The following KCNQ1 variants were observed in gnomAD, a reference collection of about 807,000 sequenced individuals.
KCNQ1 encodes potassium voltage-gated channel subfamily KQT member 1.
A neutral mutation model predicts 72.4 loss-of-function variants in KCNQ1; 49 were observed. That is an observed-to-expected ratio of 0.68 (90% CI 0.54 to 0.86). The LOEUF is 0.86. Ranked by LOEUF, KCNQ1 falls within the 40% of genes least tolerant of loss-of-function variation. The probability of loss-of-function intolerance (pLI) is 0.00; values close to 1 mark genes in which losing one functional copy is unlikely to be tolerated. For missense variants in KCNQ1, 790 were observed against 945.1 expected, an observed-to-expected ratio of 0.84 and a Z score of 2.15; for synonymous variants, 450 against 412.6, an observed-to-expected ratio of 1.09 and a Z score of -1.10.
In KCNQ1 at chr11:2,509,596, AGTGCAGGTC is replaced by A. The variant is rs1464216763; in HGVS notation, c.387-18328_387-18320del. On this transcript the variant is annotated intron_variant, in intron 1 of 15. Coordinates refer to ENST00000155840, the MANE Select transcript of KCNQ1 (RefSeq NM_000218.3). This position sits in a 1 kb window ranked among gnomAD's most constrained non-coding sequence, Gnocchi z 6.3. The stretch of plus-strand genomic sequence containing the variant: ...CTCCAGGTCCGGGTGTGAGGGCAGT[AGTGCAGGTC>A]GTGGTCCCAGATGGCCACGGAGGTG... Among the ~76,000 whole-genome samples the A allele has an allele frequency of 6.6e-6, 1 of 152,188 alleles. No individual in the cohort carries two copies. The highest frequency in any genetic ancestry group is 2.4e-5 in the African/African-American group (1 of 41,462).
At position 2,808,943 on chromosome 11, in the gene KCNQ1, G is replaced by A. The variant is rs1847431330; in HGVS notation, c.1794+30906G>A. Among the ~76,000 whole-genome samples the A allele has an allele frequency of 6.6e-6, 1 of 151,658 alleles. No homozygotes were observed. Among genetic ancestry groups the A allele is most frequent in the Admixed American group, 6.6e-5 (1 of 15,220 alleles). ...TGGGTGGACAGATGGAAGGATGGAT[G>A]GATATATGGATGCATGGAGAGACAG... On this transcript the variant is annotated intron_variant, in intron 15 of 15. Coordinates refer to ENST00000155840, the MANE Select transcript of KCNQ1 (RefSeq NM_000218.3). This position sits in a 1 kb window ranked among gnomAD's most constrained non-coding sequence, Gnocchi z 6.0.
rs549680890 is a variant in KCNQ1, at chr11:2,679,146, G to A, written c.1514+17065G>A. On this transcript the variant is annotated intron_variant, in intron 11 of 15. Transcript: ENST00000155840. This position sits in a 1 kb window ranked among gnomAD's most constrained non-coding sequence, Gnocchi z 4.8. ...AGGCCAAAATGGTTTCATGGCATGAGTTGGGCAGCAGCGACTCAGTTTCCA... is the reference window on the plus strand; with the variant it reads ...AGGCCAAAATGGTTTCATGGCATGAATTGGGCAGCAGCGACTCAGTTTCCA... The A allele has an allele frequency of 7.5e-6, 3 of 398,646 alleles. No homozygotes were observed. In the East Asian group the frequency reaches 1.1e-4, roughly 14 times the overall value. 24.7% of individuals were successfully genotyped at this position (398,646 alleles called of 1,614,324 possible).
intron 11 of KCNQ1, among the ~76,000 whole-genome samples, chr11:2,730,045 G>T (rs187352114): frequency 6.6e-6 from 1 of 152,160 alleles, no homozygotes; most frequent in Non-Finnish European, 1.5e-5. Flanking sequence ...CTGGGACCCC[G>T]AGAGCTAGGA....
chr11:2,578,984 G>A (rs1416014340), intron 6 of KCNQ1, among the ~76,000 whole-genome samples: 3 of 152,236 alleles, frequency 2.0e-5, no homozygotes, highest in Non-Finnish European at 2.9e-5. Context: ...CAGCTGGGGT[G>A]TGACACCTCT....
chr11:2,522,630 C>G (rs959876833), intron 1 of KCNQ1, among the ~76,000 whole-genome samples: 3 of 152,272 alleles, frequency 2.0e-5, no homozygotes, highest in African/African-American at 7.2e-5. Flanking sequence ...ATAATTCCTT[C>G]TGAGGCTAGC....
chr11:2,716,556 C>A (rs1851095503), intron 11 of KCNQ1, among the ~76,000 whole-genome samples: 1 of 152,344 alleles, frequency 6.6e-6, no homozygotes, highest in East Asian at 1.9e-4. Flanking sequence ...TGTGGGTTGG[C>A]TTGCCAAGCG....
rs536040302 is a variant in KCNQ1 at position 2,478,097 on chromosome 11, C to T, written c.386+32613C>T. Among the ~76,000 whole-genome samples, 14 of 152,242 alleles carry T rather than the reference C, an allele frequency of 9.2e-5. No individual in the cohort carries two copies. The highest frequency in any genetic ancestry group is 3.9e-4 in the East Asian group (2 of 5,166). On this transcript the variant is annotated intron_variant, in intron 1 of 15. Transcript: ENST00000155840. This position sits in a 1 kb window ranked among gnomAD's most constrained non-coding sequence, Gnocchi z 4.0. Reference sequence around the variant, plus strand: ...GGGACAGGCCAGCTTCACCACCCTCCGGATGGACAGCCTCGGTAGCAGAAC... The same window carrying T: ...GGGACAGGCCAGCTTCACCACCCTCTGGATGGACAGCCTCGGTAGCAGAAC...
Position 2,659,676 on chromosome 11 carries a change from A to T in KCNQ1, c.1394-2285A>T, listed in dbSNP as rs570671393. ...TAACTTAATAAGAAATTGCTAAACT[A>T]TTTCCTAAAGTCACTGTGCCATTTT... On this transcript the variant is annotated intron_variant, in intron 10 of 15. Coordinates refer to ENST00000155840, the MANE Select transcript of KCNQ1 (RefSeq NM_000218.3). The surrounding 1 kb of genome is among the most constrained non-coding windows in gnomAD (Gnocchi z 4.3). 4 of 398,510 alleles carry T rather than the reference A, an allele frequency of 1.0e-5. No homozygotes were observed. The South Asian group carries it at 5.1e-4, about 51-fold the overall frequency. 24.7% of individuals were successfully genotyped at this position (398,510 alleles called of 1,614,324 possible).
At chr11:2,812,669 A>C (rs2134042162) in intron 15 of KCNQ1, among the ~76,000 whole-genome samples, 2 of 152,272 alleles carry the variant, frequency 1.3e-5, no homozygotes, top group Middle Eastern at 3.4e-3. Flanking sequence ...ACCAGACCAC[A>C]GCACTGCCTG....
In KCNQ1 at chr11:2,698,763, A is replaced by G; in HGVS notation, c.1514+36682A>G. 5.0e-6 allele frequency: 2 copies of G among 398,806 alleles called. No individual in the cohort carries two copies. The highest frequency in any genetic ancestry group is 8.8e-6 in the Non-Finnish European group (2 of 226,152). 24.7% of individuals were successfully genotyped at this position (398,806 alleles called of 1,614,324 possible). The stretch of plus-strand genomic sequence containing the variant: ...GGATCTCAACTCAGAGCCATGATGC[A>G]GACTCCAGACCGGGATTCAGGTCCC... On this transcript the variant is annotated intron_variant, in intron 11 of 15. Coordinates refer to ENST00000155840, the MANE Select transcript of KCNQ1 (RefSeq NM_000218.3). The surrounding 1 kb of genome is among the most constrained non-coding windows in gnomAD (Gnocchi z 5.1).
chr11:2,780,922 T>C (rs1332035778), intron 15 of KCNQ1, among the ~76,000 whole-genome samples: 2 of 152,132 alleles, frequency 1.3e-5, no homozygotes, highest in African/African-American at 4.8e-5. Flanking sequence ...CCAACTACCT[T>C]GCAGGACGTC....
rs1209259573 is a variant in KCNQ1 at position 2,725,750 on chromosome 11, G to A, written c.1515-43094G>A. On this transcript the variant is annotated intron_variant, in intron 11 of 15. Coordinates refer to ENST00000155840, the MANE Select transcript of KCNQ1 (RefSeq NM_000218.3). The surrounding 1 kb of genome is among the most constrained non-coding windows in gnomAD (Gnocchi z 7.2). ...TCACTGGGCTTTGTGAAACCTGTCA[G>A]CTTGTGTGAAAGCTATCTCCCCCAG... Among the ~76,000 whole-genome samples, 1 of 152,124 alleles carries A rather than the reference G, an allele frequency of 6.6e-6. No individual in the cohort carries two copies. Among genetic ancestry groups the A allele is most frequent in the Non-Finnish European group, 1.5e-5 (1 of 68,016 alleles).
intron 15 of KCNQ1, among the ~76,000 whole-genome samples, chr11:2,780,409 C>T (rs191753117): frequency 6.0e-4 from 91 of 152,354 alleles, no homozygotes; most frequent in African/African-American, 2.0e-3. Flanking sequence ...AGCAGCCGCC[C>T]GGCCCTCGGA....
rs184645782 is a variant in KCNQ1, at chr11:2,552,621, G to A, written c.478-18007G>A. Among the ~76,000 whole-genome samples, 207 of 152,298 alleles carry A rather than the reference G, an allele frequency of 1.4e-3. 1 individual carries two copies. The highest frequency in any genetic ancestry group is 4.6e-3 in the African/African-American group (192 of 41,554). ...ATTGGCTAGAATTTTGATTGGCATT[G>A]CATTGGATATGTAGATAAATTTGGA... On this transcript the variant is annotated intron_variant, in intron 2 of 15. Coordinates refer to ENST00000155840, the MANE Select transcript of KCNQ1 (RefSeq NM_000218.3).
At position 2,447,146 on chromosome 11, in the gene KCNQ1, G is replaced by C. The variant is rs1326750897; in HGVS notation, c.386+1662G>C. On this transcript the variant is annotated intron_variant, in intron 1 of 15. Coordinates refer to ENST00000155840, the MANE Select transcript of KCNQ1 (RefSeq NM_000218.3). The surrounding 1 kb of genome is among the most constrained non-coding windows in gnomAD (Gnocchi z 7.6). ...CGTGTGGAGGAAGAGGAGGAAGAGG[G>C]CTCGCCACGCCCCAGAGGAAGTCTC... is the stretch of plus-strand genomic sequence containing the variant. Among the ~76,000 whole-genome samples the C allele has an allele frequency of 1.3e-5, 2 of 152,160 alleles. No individual in the cohort carries two copies. Among genetic ancestry groups the C allele is most frequent in the Non-Finnish European group, 2.9e-5 (2 of 68,030 alleles).
intron 15 of KCNQ1, among the ~76,000 whole-genome samples, chr11:2,836,728 T>C (rs558344609): frequency 5.4e-4 from 82 of 152,308 alleles, no homozygotes; most frequent in African/African-American, 1.0e-3. Context: ...GTGTGTCACA[T>C]CACGCCTCGC....
chr11:2,616,177 A>C (rs1193472490), intron 10 of KCNQ1: 1 of 397,242 alleles, frequency 2.5e-6, no homozygotes, highest in Non-Finnish European at 4.4e-6. Context: ...TTATTTCTGT[A>C]AGATCAGTTA....
In KCNQ1 at chr11:2,536,600, G is replaced by C. The variant is rs917893855; in HGVS notation, c.477+8582G>C. 6.6e-6 allele frequency among the ~76,000 whole-genome samples: 1 copy of C among 152,200 alleles called. No homozygotes were observed. The highest frequency in any genetic ancestry group is 1.5e-5 in the Non-Finnish European group (1 of 68,022). Reference sequence around the variant, plus strand: ...TCTTGGGACCTCCCTCTCTCAGGCGGGTCTGGAACCCAACAGAGCTGGTTT... The same window carrying C: ...TCTTGGGACCTCCCTCTCTCAGGCGCGTCTGGAACCCAACAGAGCTGGTTT... On this transcript the variant is annotated intron_variant, in intron 2 of 15. Transcript: ENST00000155840. The surrounding 1 kb of genome is among the most constrained non-coding windows in gnomAD (Gnocchi z 7.4).
In KCNQ1 at chr11:2,458,155, G is replaced by C. The variant is rs187370499; in HGVS notation, c.386+12671G>C. ...GGGCCATGTCACTGGAACTTGAAGG[G>C]GTCCTTGTCTTCCCCCTTCTCCCCA... On this transcript the variant is annotated intron_variant, in intron 1 of 15. Transcript: ENST00000155840. The surrounding 1 kb of genome is among the most constrained non-coding windows in gnomAD (Gnocchi z 4.6). Among the ~76,000 whole-genome samples, 3 of 152,160 alleles carry C rather than the reference G, an allele frequency of 2.0e-5. No individual in the cohort carries two copies. The highest frequency in any genetic ancestry group is 7.2e-5 in the African/African-American group (3 of 41,516).
Sources: allele counts gnomAD v4.1 joint callset (sites outside exome capture counted in the v4.1 genomes callset), GRCh38; gene constraint gnomAD v4.1.1; non-coding constraint Gnocchi (gnomAD v3.1); transcripts MANE v1.5; gene names NCBI Gene and HGNC (gene_info 2026-07-23, HGNC 2026-07-21).